Variants in ORC4 observed in about 807,000 individuals in gnomAD.
The protein encoded by ORC4 is origin recognition complex, subunit 4 homolog.
Under a neutral mutation model 63.9 loss-of-function variants are expected in ORC4, and 55 were observed. The observed-to-expected ratio is 0.86, with a 90% CI of 0.69 to 1.08. The LOEUF (loss-of-function observed/expected upper bound fraction) is 1.08, where lower values mean the gene tolerates loss of function less well. ORC4 is among the 50% of genes least tolerant of loss of function. The pLI is 0.00. For synonymous variants in ORC4, 150 were observed against 168.5 expected (o/e 0.89, Z 0.85); for missense variants, 511 against 504.4 (o/e 1.01, Z -0.13).
chr2:147,985,325 T>C (rs1691137542), intron 1 of ORC4, among the ~76,000 whole-genome samples: 1 of 152,068 alleles, frequency 6.6e-6, no homozygotes, highest in Non-Finnish European at 1.5e-5. Context: ...GCCTCCTGAG[T>C]AGCTGGGACT....
intron 9 of ORC4, 29 bp from the exon 10 acceptor site, chr2:147,943,551 A>G (rs1688492788): frequency 7.6e-7 from 1 of 1,320,468 alleles, no homozygotes; most frequent in Non-Finnish European, 1.1e-6. Flanking sequence ...AAAAAGCCAA[A>G]ATTGAGGAAA....
At chr2:147,962,499 C>T (rs1024861994) in intron 4 of ORC4, among the ~76,000 whole-genome samples, 27 of 152,252 alleles carry the variant, frequency 1.8e-4, no homozygotes, top group African/African-American at 6.3e-4. Flanking sequence ...TCCACCAAGC[C>T]CACATAGGTG....
At chr2:147,966,720 C>G (rs1689914708) in intron 4 of ORC4, among the ~76,000 whole-genome samples, 1 of 152,096 alleles carries the variant, frequency 6.6e-6, no homozygotes, top group South Asian at 2.1e-4. Context: ...AAAAAGTCTT[C>G]CAACAAAGGA....
intron 1 of ORC4, 174 bp downstream of exon 1, chr2:148,020,459 C>T (rs1471464984): frequency 6.6e-6 from 1 of 152,300 alleles, no homozygotes; most frequent in Non-Finnish European, 1.5e-5. Context: ...CAAGACGGAG[C>T]TCGCCTGGTC....
chr2:147,973,403 A>T, intron 3 of ORC4, 45 bp downstream of exon 3: 1 of 1,136,840 alleles, frequency 8.8e-7, no homozygotes, highest in Non-Finnish European at 1.3e-6. Flanking sequence ...CCTGGAAGGC[A>T]TCTGTAAGTA....
chr2:148,016,231 C>T (rs1469598585), intron 1 of ORC4, among the ~76,000 whole-genome samples: 2 of 152,144 alleles, frequency 1.3e-5, no homozygotes, highest in Admixed American at 6.5e-5. Flanking sequence ...ATATGACAAG[C>T]AATGACCAGC....
intron 1 of ORC4, among the ~76,000 whole-genome samples, chr2:148,014,522 C>T (rs1693148501): frequency 6.6e-6 from 1 of 152,034 alleles, no homozygotes; most frequent in South Asian, 2.1e-4. Flanking sequence ...GTACTCAAGG[C>T]ACACAAGAAA....
At chr2:147,965,218 A>G (rs1689833182) in intron 4 of ORC4, among the ~76,000 whole-genome samples, 1 of 152,132 alleles carries the variant, frequency 6.6e-6, no homozygotes, top group Admixed American at 6.6e-5. Flanking sequence ...AAATGAGAGG[A>G]AGTAAGAAAC....
At chr2:148,021,227 T>C, upstream of ORC4, 1 of 253,544 alleles carries the variant, frequency 3.9e-6, no homozygotes, top group Non-Finnish European at 8.1e-6. Context: ...TTCAGGGGGG[T>C]GGGGGGAAGG....
intron 11 of ORC4, 138 bp downstream of exon 11, chr2:147,939,002 A>G (rs1688217003): frequency 1.6e-6 from 1 of 638,206 alleles, no homozygotes; most frequent in Non-Finnish European, 2.8e-6. Context: ...CTTTAAAAGG[A>G]CTAAGTTAAA....
At chr2:147,987,112 G>A (rs1469242929) in intron 1 of ORC4, among the ~76,000 whole-genome samples, 7 of 150,348 alleles carry the variant, frequency 4.7e-5, no homozygotes, top group Non-Finnish European at 7.4e-5. Flanking sequence ...AGATCCTTCC[G>A]TCTCAGCCTC....
chr2:147,938,220 A>G lies in ORC4; in HGVS notation c.1055-7T>C. The G allele has an allele frequency of 6.2e-7, 1 of 1,611,824 alleles. No homozygotes were observed. Among genetic ancestry groups the G allele is most frequent in the Non-Finnish European group, 8.5e-7 (1 of 1,178,154 alleles). The stretch of plus-strand genomic sequence containing the variant: ...TGAACAAACTTCTGAAACTCTGAGT[A>G]GAAAGCAATGACAACATTATACCTT... On this transcript the variant is annotated splice_region_variant and splice_polypyrimidine_tract_variant and intron_variant, in intron 12 of 13. Coordinates refer to ENST00000392857, the MANE Select transcript of ORC4 (RefSeq NM_181741.4).
Position 148,020,077 on chromosome 2 carries a change from G to A in ORC4, c.-18+556C>T, listed in dbSNP as rs553007707. 2.6e-5 allele frequency among the ~76,000 whole-genome samples: 4 copies of A among 152,178 alleles called. No homozygotes were observed. In the East Asian group the frequency reaches 7.7e-4, roughly 29 times the overall value. ...ACATCCCTCTCCGAGAAAAAGCAAA[G>A]GCTTTGTGTTGTAGCAACAACGCAA... On this transcript the variant is annotated intron_variant, in intron 1 of 13. Transcript: ENST00000392857.
At chr2:148,020,246 GCATA>G (rs1180807959) in intron 1 of ORC4, among the ~76,000 whole-genome samples, 1 of 152,190 alleles carries the variant, frequency 6.6e-6, no homozygotes, top group East Asian at 1.9e-4. Flanking sequence ...TGGTCAAAAT[GCATA>G]CAGAGGACTT....
At chr2:147,994,933 C>T (rs922826129) in intron 1 of ORC4, among the ~76,000 whole-genome samples, 8 of 152,158 alleles carry the variant, frequency 5.3e-5, no homozygotes, top group African/African-American at 1.7e-4. Context: ...CAGGTGAAGC[C>T]AGCTGGACTT....
intron 1 of ORC4, among the ~76,000 whole-genome samples, chr2:147,999,810 T>C (rs1692190890): frequency 6.6e-6 from 1 of 152,128 alleles, no homozygotes; most frequent in African/African-American, 2.4e-5. Context: ...GATTGCTACA[T>C]AGCTGAGGAA....
In ORC4 at chr2:147,972,745, T is replaced by C; in HGVS notation, c.219A>G (p.Lys73=). The C allele has an allele frequency of 1.2e-6, 2 of 1,604,830 alleles. No individual in the cohort carries two copies. The highest frequency in any genetic ancestry group is 1.7e-4 in the Middle Eastern group (1 of 6,038). ...VLIIGPRGSG[K]TMLINHALKE... is the part of the protein sequence containing the mutation. ...AGAAATCAACAGCTTTTACCATAGT[T>C]TTTCCTGATCCTCGGGGTCCGATAA... is the stretch of plus-strand genomic sequence containing the variant. The change falls in exon 4 of 14, where the codon AAA becomes AAG. Residue 73 remains lysine (K), a synonymous_variant. Transcript: ENST00000392857.
chr2:147,957,951 A>G (rs1224424223), intron 6 of ORC4, among the ~76,000 whole-genome samples: 2 of 152,170 alleles, frequency 1.3e-5, no homozygotes, highest in African/African-American at 4.8e-5. Context: ...AAAAGTAGAA[A>G]TAGGCTGCTG....
At chr2:147,969,384 C>T (rs1244980716) in intron 4 of ORC4, among the ~76,000 whole-genome samples, 11 of 151,978 alleles carry the variant, frequency 7.2e-5, no homozygotes, top group Admixed American at 7.2e-4. Context: ...CAAAACATCA[C>T]TATATATCCC....
Sources: allele counts gnomAD v4.1 joint callset (sites outside exome capture counted in the v4.1 genomes callset), GRCh38; gene constraint gnomAD v4.1.1; transcripts MANE v1.5; gene names NCBI Gene and HGNC (gene_info 2026-07-23, HGNC 2026-07-21).